The following THSD7B variants were observed in gnomAD, a reference collection of about 807,000 sequenced individuals.
THSD7B encodes thrombospondin type-1 domain-containing protein 7B.
THSD7B carries 138 observed loss-of-function variants against 213.6 expected under a neutral mutation model. That is an observed-to-expected ratio of 0.65 (90% confidence interval 0.56 to 0.74). The LOEUF (loss-of-function observed/expected upper bound fraction) is 0.74. Ranked by LOEUF, THSD7B falls within the 30% of genes least tolerant of loss-of-function variation. The probability of loss-of-function intolerance (pLI) is 0.00; values close to 1 mark genes in which losing one functional copy is unlikely to be tolerated. For synonymous variants in THSD7B, 742 were observed against 687.0 expected (o/e 1.08, Z -1.25); for missense variants, 1,931 against 1,991.5 (o/e 0.97, Z 0.58).
At chr2:137,608,688 A>T (rs1682233384) in intron 17 of THSD7B, among the ~76,000 whole-genome samples, 1 of 152,214 alleles carries the variant, frequency 6.6e-6, no homozygotes, top group South Asian at 2.1e-4. Flanking sequence ...AGCACCCAGA[A>T]TATAGTTTTA....
At chr2:137,005,277 A>G (rs973566929) in intron 2 of THSD7B, among the ~76,000 whole-genome samples, 1 of 152,242 alleles carries the variant, frequency 6.6e-6, no homozygotes, top group Non-Finnish European at 1.5e-5. Context: ...GGAAGAGTTG[A>G]AAGGTTCTGA....
At chr2:137,267,613 A>G (rs929926207) in intron 10 of THSD7B, among the ~76,000 whole-genome samples, 1 of 150,044 alleles carries the variant, frequency 6.7e-6, no homozygotes, top group Admixed American at 6.8e-5. Flanking sequence ...TTTTAACTCT[A>G]TCTAGTGATT....
intron 5 of THSD7B, among the ~76,000 whole-genome samples, chr2:137,118,188 C>T (rs1175309099): frequency 2.0e-5 from 3 of 152,132 alleles, no homozygotes; most frequent in Non-Finnish European, 4.4e-5. Context: ...TTTTATAAAT[C>T]AGAAGCAGCA....
chr2:137,118,406 T>A (rs1573834164), intron 5 of THSD7B, among the ~76,000 whole-genome samples: 2 of 152,256 alleles, frequency 1.3e-5, no homozygotes, highest in East Asian at 1.9e-4. Flanking sequence ...GCCTAGAGAT[T>A]AGGATATCAA....
chr2:136,920,926 G>A (rs906965422), intron 2 of THSD7B, among the ~76,000 whole-genome samples: 2 of 152,322 alleles, frequency 1.3e-5, no homozygotes, highest in Non-Finnish European at 2.9e-5. Context: ...TGGTTGCCAG[G>A]AGGAGGGAGA....
intron 15 of THSD7B, among the ~76,000 whole-genome samples, chr2:137,490,760 AGGG>A (rs1162382011): frequency 1.3e-5 from 2 of 152,248 alleles, no homozygotes; most frequent in African/African-American, 4.8e-5. Flanking sequence ...TTATCCTACT[AGGG>A]TCTGAGGGTC....
chr2:137,090,611 A>G (rs1687932835), intron 3 of THSD7B, among the ~76,000 whole-genome samples: 1 of 152,212 alleles, frequency 6.6e-6, no homozygotes, highest in Admixed American at 6.5e-5. Context: ...TTTACAAAAG[A>G]CAGCATGTTC....
chr2:137,277,506 A>G (rs1208168876), intron 12 of THSD7B, among the ~76,000 whole-genome samples: 1 of 152,108 alleles, frequency 6.6e-6, no homozygotes, highest in Non-Finnish European at 1.5e-5. Context: ...TTTTCTTTAA[A>G]TTAAGAACCA....
Position 137,135,820 on chromosome 2 carries a change from A to C in THSD7B, c.1369+20527A>C, listed in dbSNP as rs1334450578. On this transcript the variant is annotated intron_variant, in intron 5 of 27. Transcript: ENST00000409968. Reference sequence around the variant, plus strand: ...CATGTTTGCCTAAAGATTCAAGAAAAGGAAGAAATGAAGAGTTATATGCTA... The same window carrying C: ...CATGTTTGCCTAAAGATTCAAGAAACGGAAGAAATGAAGAGTTATATGCTA... Among the ~76,000 whole-genome samples, 14 of 151,770 alleles carry C rather than the reference A, an allele frequency of 9.2e-5. No homozygotes were observed. The Admixed American group carries it at 9.2e-4, about 10-fold the overall frequency.
intron 3 of THSD7B, among the ~76,000 whole-genome samples, chr2:137,090,113 T>A (rs139948052): frequency 6.6e-6 from 1 of 151,988 alleles, no homozygotes; most frequent in African/African-American, 2.4e-5. Flanking sequence ...AATAAAAATT[T>A]AAAAAATATA....
intron 1 of THSD7B, among the ~76,000 whole-genome samples, chr2:136,842,454 T>C (rs1202881934): frequency 2.0e-5 from 3 of 152,198 alleles, no homozygotes; most frequent in Non-Finnish European, 4.4e-5. Flanking sequence ...AAGGCATGCA[T>C]TTAACAGATA....
intron 2 of THSD7B, among the ~76,000 whole-genome samples, chr2:136,990,703 A>G (rs964141521): frequency 2.6e-5 from 4 of 152,204 alleles, no homozygotes; most frequent in Admixed American, 2.6e-4. Flanking sequence ...TTTCTACATT[A>G]AATACACTAG....
Position 137,157,759 on chromosome 2 carries a change from A to G in THSD7B, c.1370-2454A>G, listed in dbSNP as rs546204856. 2.2e-4 allele frequency among the ~76,000 whole-genome samples: 33 copies of G among 152,312 alleles called. No homozygotes were observed. The South Asian group carries it at 6.4e-3, about 30-fold the overall frequency. On this transcript the variant is annotated intron_variant, in intron 5 of 27. Transcript: ENST00000409968. ...GTTTCCTTATTTTAAAACTAGAGAGAATAATAACAACATATATCTCAAAGG... is the reference window on the plus strand; with the variant it reads ...GTTTCCTTATTTTAAAACTAGAGAGGATAATAACAACATATATCTCAAAGG...
chr2:136,799,848 C>A (rs74387130), intron 1 of THSD7B, among the ~76,000 whole-genome samples: 4 of 151,880 alleles, frequency 2.6e-5, no homozygotes, highest in African/African-American at 9.7e-5. Flanking sequence ...CATTCAAGGG[C>A]ATCTCCATTG....
intron 2 of THSD7B, among the ~76,000 whole-genome samples, chr2:137,029,078 C>CTTTT (rs11443045): frequency 2.2e-4 from 27 of 120,962 alleles, no homozygotes; most frequent in African/African-American, 3.2e-4. Context: ...TCTTTGTAAG[C>CTTTT]TTTTTTTTTT....
chr2:137,398,999 G>A, intron 12 of THSD7B, among the ~76,000 whole-genome samples: 1 of 152,118 alleles, frequency 6.6e-6, no homozygotes. Flanking sequence ...TCCCAAGTGA[G>A]GCAATGCCTC....
At chr2:137,618,552 C>G in intron 19 of THSD7B, 45 bp downstream of exon 19, 3 of 1,555,056 alleles carry the variant, frequency 1.9e-6, no homozygotes, top group Non-Finnish European at 2.6e-6. Flanking sequence ...CTTTGTTTTT[C>G]TTAATATTGG....
At chr2:137,519,364 T>G (rs535514329) in intron 15 of THSD7B, among the ~76,000 whole-genome samples, 6 of 152,328 alleles carry the variant, frequency 3.9e-5, no homozygotes, top group African/African-American at 1.4e-4. Context: ...TTGCCACTAA[T>G]ATTATTAGAA....
intron 3 of THSD7B, among the ~76,000 whole-genome samples, chr2:137,076,701 C>A (rs879657152): frequency 6.6e-6 from 1 of 152,170 alleles, no homozygotes; most frequent in South Asian, 2.1e-4. Flanking sequence ...AGCTGTAGAC[C>A]GGAGCTGTTC....
Sources: gnomAD v4.1 joint callset for allele counts (sites outside exome capture counted in the v4.1 genomes callset) on GRCh38, gnomAD v4.1.1 for gene constraint, MANE v1.5 for transcripts, NCBI Gene and HGNC (gene_info 2026-07-23, HGNC 2026-07-21) for gene names.